CFDP1: variants seen among roughly 807,000 people sequenced by gnomAD.
CFDP1 encodes heterochromatin-stabilizing protein CFDP1.
CFDP1 carries 31 observed loss-of-function variants against 40.1 expected under a neutral mutation model. The observed-to-expected ratio is 0.77, with a 90% CI of 0.58 to 1.04. The LOEUF is 1.04. CFDP1 is among the 50% of genes least tolerant of loss of function. The pLI, the probability that CFDP1 is intolerant of heterozygous loss-of-function variation, is 0.00. For missense variants in CFDP1, 423 were observed against 343.4 expected (o/e 1.23, Z -1.83); for synonymous variants, 167 against 120.0 (o/e 1.39, Z -2.56).
intron 5 of CFDP1, among the ~76,000 whole-genome samples, chr16:75,389,861 G>T (rs768542560): frequency 5.3e-5 from 8 of 152,102 alleles, no homozygotes; most frequent in Admixed American, 2.6e-4. Flanking sequence ...TCTTGGACCC[G>T]TCTTTTCCCA....
Position 75,412,744 on chromosome 16 carries a change from G to C in CFDP1, c.193C>G (p.Gln65Glu), listed in dbSNP as rs146161387. 26 of 1,612,776 alleles carry C rather than the reference G, an allele frequency of 1.6e-5. No individual in the cohort carries two copies. The highest frequency in any genetic ancestry group is 2.1e-5 in the Non-Finnish European group (25 of 1,179,706). The stretch of plus-strand genomic sequence containing the variant: ...TCTTCTTCTAATGAGAGGCCACCTT[G>C]TCTTCTCTTCCTAATCACCAGCAGT... ...AQSIPARKRR[Q>E]GGLSLEEEEE... The change falls in exon 3 of 7, where the codon CAA becomes GAA. Residue 65 changes from glutamine (Q) to glutamate (E), a missense_variant. Transcript: ENST00000283882.
intron 5 of CFDP1, among the ~76,000 whole-genome samples, chr16:75,354,616 T>C (rs1449601521): frequency 6.6e-6 from 1 of 152,226 alleles, no homozygotes; most frequent in Non-Finnish European, 1.5e-5. Context: ...TAAAAGTACA[T>C]GGCACTCTCT....
intron 4 of CFDP1, among the ~76,000 whole-genome samples, chr16:75,395,654 G>A (rs189303589): frequency 1.1e-4 from 17 of 151,800 alleles, no homozygotes; most frequent in South Asian, 4.2e-4. Context: ...ACGAGACACC[G>A]TCTCAAAAAA....
chr16:75,410,707 G>C (rs1041463518), intron 4 of CFDP1, among the ~76,000 whole-genome samples: 5 of 151,502 alleles, frequency 3.3e-5, no homozygotes, highest in African/African-American at 1.2e-4. Context: ...AGGAGATCGA[G>C]ACCATCCCGG....
At chr16:75,403,211 T>C (rs1019582171) in intron 4 of CFDP1, among the ~76,000 whole-genome samples, 1 of 152,110 alleles carries the variant, frequency 6.6e-6, no homozygotes, top group African/African-American at 2.4e-5. Flanking sequence ...AACACTTAAT[T>C]TGACCGAAAA....
chr16:75,405,491 T>C (rs2079089877), intron 4 of CFDP1, among the ~76,000 whole-genome samples: 1 of 151,826 alleles, frequency 6.6e-6, no homozygotes, highest in South Asian at 2.1e-4. Flanking sequence ...CTCATGCCTG[T>C]AATCCTAGCA....
chr16:75,411,985 C>G (rs1323675031), intron 3 of CFDP1, 33 bp from the exon 4 acceptor site: 1 of 1,570,340 alleles, frequency 6.4e-7, no homozygotes, highest in Non-Finnish European at 8.6e-7. Context: ...AATGTTTCAC[C>G]AAAAGATGAA....
At chr16:75,298,603 C>T (rs947738672) in intron 6 of CFDP1, among the ~76,000 whole-genome samples, 3 of 152,190 alleles carry the variant, frequency 2.0e-5, no homozygotes, top group Non-Finnish European at 2.9e-5. Flanking sequence ...GGCAGCACTC[C>T]GAGGCTAGAA....
chr16:75,380,452 T>C (rs1377437554), intron 5 of CFDP1, among the ~76,000 whole-genome samples: 1 of 152,034 alleles, frequency 6.6e-6, no homozygotes, highest in African/African-American at 2.4e-5. Flanking sequence ...GGGTTTTATT[T>C]GCCACGTGAT....
intron 5 of CFDP1, among the ~76,000 whole-genome samples, chr16:75,349,672 A>ATATAT (rs1567653452): frequency 3.2e-4 from 2 of 6,292 alleles, no homozygotes; most frequent in African/African-American, 6.2e-4. Flanking sequence ...AAAAAAAAAA[A>ATATAT]AAAAAAAAAA....
At chr16:75,383,534 G>A (rs1005709663) in intron 5 of CFDP1, among the ~76,000 whole-genome samples, 1 of 152,106 alleles carries the variant, frequency 6.6e-6, no homozygotes, top group Non-Finnish European at 1.5e-5. Flanking sequence ...ATAAGATACA[G>A]CCCCAGCGAG....
chr16:75,378,593 C>T (rs987395192), intron 5 of CFDP1, among the ~76,000 whole-genome samples: 5 of 152,054 alleles, frequency 3.3e-5, no homozygotes, highest in South Asian at 2.1e-4. Flanking sequence ...ACAAAATCTA[C>T]GCCTTCAAGC....
chr16:75,304,184 C>G (rs1597319414), intron 6 of CFDP1, among the ~76,000 whole-genome samples: 1 of 152,034 alleles, frequency 6.6e-6, no homozygotes. Flanking sequence ...TCCTCCTGCC[C>G]CAGCCTCCCA....
intron 5 of CFDP1, among the ~76,000 whole-genome samples, chr16:75,319,732 C>T (rs1404276402): frequency 6.6e-6 from 1 of 152,148 alleles, no homozygotes; most frequent in Non-Finnish European, 1.5e-5. Context: ...TGGGATATGG[C>T]ATCATCAGCG....
At chr16:75,411,044 C>A (rs1468162106) in intron 4 of CFDP1, among the ~76,000 whole-genome samples, 2 of 151,608 alleles carry the variant, frequency 1.3e-5, no homozygotes, top group African/African-American at 4.8e-5. Flanking sequence ...CATGGCGAAA[C>A]CCCATCTCTA....
chr16:75,429,428 C>T (rs781734927), intron 1 of CFDP1, among the ~76,000 whole-genome samples: 111 of 152,164 alleles, frequency 7.3e-4, no homozygotes, highest in Non-Finnish European at 1.4e-3. Context: ...CTGAGGAGGG[C>T]GGATCACCTG....
At chr16:75,312,514 T>G (rs148185296) in intron 5 of CFDP1, among the ~76,000 whole-genome samples, 1 of 152,330 alleles carries the variant, frequency 6.6e-6, no homozygotes, top group East Asian at 1.9e-4. Context: ...TCAGTTCTAT[T>G]GTTCTTTGCT....
intron 5 of CFDP1, among the ~76,000 whole-genome samples, chr16:75,355,601 C>A (rs1035066519): frequency 6.6e-6 from 1 of 152,144 alleles, no homozygotes; most frequent in African/African-American, 2.4e-5. Context: ...TCTGTATCCC[C>A]ATCTAAATCT....
chr16:75,314,081 C>T (rs12445803), intron 5 of CFDP1, among the ~76,000 whole-genome samples: 25,462 of 151,886 alleles, frequency 0.17, 2,302 homozygotes, highest in Middle Eastern at 0.22. Context: ...CATGGGGTTT[C>T]GCCATGTTGG....
Sources: allele counts gnomAD v4.1 joint callset (sites outside exome capture counted in the v4.1 genomes callset), GRCh38; gene constraint gnomAD v4.1.1; transcripts MANE v1.5; gene names NCBI Gene and HGNC (gene_info 2026-07-23, HGNC 2026-07-21).